NPAS3: variants seen among roughly 807,000 people sequenced by gnomAD.
The protein encoded by NPAS3 is neuronal PAS domain-containing protein 3.
Under a neutral mutation model 73.1 loss-of-function variants are expected in NPAS3, and 14 were observed. The ratio of observed to expected loss-of-function variants is 0.19; its 90% confidence interval spans 0.13 to 0.30. The LOEUF is 0.30. Among genes scored for constraint, NPAS3 ranks in the 10% least tolerant of loss-of-function variants. NPAS3 has a pLI of 1.00. For missense variants in NPAS3, 1,096 were observed against 1,250.0 expected, an observed-to-expected ratio of 0.88 and a Z score of 1.86; for synonymous variants, 620 against 541.5, an observed-to-expected ratio of 1.14 and a Z score of -2.01.
chr14:33,198,694 C>T (rs1173245002), intron 2 of NPAS3, among the ~76,000 whole-genome samples: 1 of 152,256 alleles, frequency 6.6e-6, no homozygotes, highest in Non-Finnish European at 1.5e-5. Flanking sequence ...GATCCCGCAC[C>T]AGGTCCGGGG....
At chr14:33,738,302 C>T (rs558415700) in intron 7 of NPAS3, among the ~76,000 whole-genome samples, 1 of 152,264 alleles carries the variant, frequency 6.6e-6, no homozygotes, top group Non-Finnish European at 1.5e-5. Context: ...TCCGCTTGGC[C>T]CCTCTGCTTC....
chr14:33,511,773 G>A (rs1472959546), intron 4 of NPAS3, among the ~76,000 whole-genome samples: 1 of 152,086 alleles, frequency 6.6e-6, no homozygotes, highest in Non-Finnish European at 1.5e-5. Context: ...ACTTGTCCTT[G>A]TATAGAAAGA....
At chr14:33,262,513 A>G (rs567311940) in intron 3 of NPAS3, among the ~76,000 whole-genome samples, 16 of 152,318 alleles carry the variant, frequency 1.1e-4, no homozygotes, top group African/African-American at 3.8e-4. Context: ...TTTCAATCAA[A>G]TCATGATGAA....
At chr14:33,256,603 G>A (rs1046737036) in intron 3 of NPAS3, among the ~76,000 whole-genome samples, 16 of 152,128 alleles carry the variant, frequency 1.1e-4, no homozygotes, top group Middle Eastern at 3.2e-3. Context: ...TACACTGGCC[G>A]TTATAATGTT....
At position 33,443,272 on chromosome 14, in the gene NPAS3, T is replaced by G. The variant is rs543991029; in HGVS notation, c.468+76004T>G. 2.6e-5 allele frequency among the ~76,000 whole-genome samples: 4 copies of G among 151,040 alleles called. No individual in the cohort carries two copies. In the East Asian group the frequency reaches 7.7e-4, roughly 29 times the overall value. On this transcript the variant is annotated intron_variant, in intron 4 of 11. Transcript: ENST00000356141. ...TTGACTATATATCTAGAAACTCTGT[T>G]AAAAAAGGAAAAAAAAAAAAGTTAA...
chr14:32,942,386 G>A (rs1202069981), intron 1 of NPAS3, among the ~76,000 whole-genome samples: 2 of 152,124 alleles, frequency 1.3e-5, no homozygotes, highest in Admixed American at 6.6e-5. Context: ...AGAAAAATAA[G>A]CTCGTTCTTG....
chr14:33,084,155 A>G (rs2041948591), intron 2 of NPAS3, among the ~76,000 whole-genome samples: 1 of 152,242 alleles, frequency 6.6e-6, no homozygotes, highest in Non-Finnish European at 1.5e-5. Context: ...TTATTAGACT[A>G]TAACACCTGT....
intron 2 of NPAS3, among the ~76,000 whole-genome samples, chr14:33,059,238 G>C: frequency 6.6e-6 from 1 of 152,214 alleles, no homozygotes; most frequent in South Asian, 2.1e-4. Flanking sequence ...CATATTTAAA[G>C]ACATTATTTT....
chr14:32,977,631 T>A (rs116453266), intron 1 of NPAS3, among the ~76,000 whole-genome samples: 3,551 of 152,016 alleles, frequency 0.023, 129 homozygotes, highest in African/African-American at 0.08. Context: ...GTTCAGGAGG[T>A]GGAGGCGGGA....
At chr14:33,115,752 T>C (rs1182633243) in intron 2 of NPAS3, among the ~76,000 whole-genome samples, 1 of 152,194 alleles carries the variant, frequency 6.6e-6, no homozygotes, top group Non-Finnish European at 1.5e-5. Context: ...TTTGTTTTGA[T>C]AGAGACTTTG....
chr14:33,641,947 G>GT (rs577365327), intron 5 of NPAS3, among the ~76,000 whole-genome samples: 1 of 152,128 alleles, frequency 6.6e-6, no homozygotes, highest in East Asian at 1.9e-4. Flanking sequence ...TTTCTCATTT[G>GT]TTTTTTAGAG....
chr14:33,225,903 A>G (rs148309458), intron 3 of NPAS3, among the ~76,000 whole-genome samples: 2 of 152,344 alleles, frequency 1.3e-5, no homozygotes, highest in Admixed American at 6.5e-5. Context: ...TGTTTAAAAC[A>G]TATTGCAACA....
intron 9 of NPAS3, among the ~76,000 whole-genome samples, chr14:33,790,698 T>C (rs1408226173): frequency 6.6e-6 from 1 of 152,208 alleles, no homozygotes; most frequent in African/African-American, 2.4e-5. Flanking sequence ...AGCCAGAGTC[T>C]CGCTTTGTCA....
At chr14:33,063,828 G>C (rs756354239) in intron 2 of NPAS3, among the ~76,000 whole-genome samples, 1 of 152,172 alleles carries the variant, frequency 6.6e-6, no homozygotes, top group African/African-American at 2.4e-5. Flanking sequence ...TACACTAAAT[G>C]AGTACTACCT....
At chr14:33,529,431 G>T (rs1458068385) in intron 4 of NPAS3, among the ~76,000 whole-genome samples, 1 of 151,996 alleles carries the variant, frequency 6.6e-6, no homozygotes, top group African/African-American at 2.4e-5. Flanking sequence ...AGCTTTGCAG[G>T]CTAGTCTGTA....
At chr14:33,584,882 A>C (rs558710540) in intron 5 of NPAS3, among the ~76,000 whole-genome samples, 1 of 152,304 alleles carries the variant, frequency 6.6e-6, no homozygotes, top group East Asian at 1.9e-4. Context: ...ACAGTAAATA[A>C]GGCGCACCCT....
chr14:33,487,888 T>C (rs542689860), intron 4 of NPAS3, among the ~76,000 whole-genome samples: 1 of 152,308 alleles, frequency 6.6e-6, no homozygotes, highest in African/African-American at 2.4e-5. Flanking sequence ...AGTTACTGAA[T>C]AATTATTTCT....
At chr14:33,453,697 C>A (rs1445420329) in intron 4 of NPAS3, among the ~76,000 whole-genome samples, 1 of 152,214 alleles carries the variant, frequency 6.6e-6, no homozygotes, top group East Asian at 1.9e-4. Flanking sequence ...ATAATTCAGT[C>A]CCAGCTGGGC....
chr14:33,514,063 T>C (rs776338039), intron 4 of NPAS3, among the ~76,000 whole-genome samples: 4 of 152,050 alleles, frequency 2.6e-5, no homozygotes, highest in Non-Finnish European at 5.9e-5. Context: ...GAAATGAGTT[T>C]GGTGGTCTCA....
Sources: gnomAD v4.1 joint callset for allele counts (sites outside exome capture counted in the v4.1 genomes callset) on GRCh38, gnomAD v4.1.1 for gene constraint, MANE v1.5 for transcripts, NCBI Gene and HGNC (gene_info 2026-07-23, HGNC 2026-07-21) for gene names.